The following MAP2K6 variants were observed in gnomAD, a reference collection of about 807,000 sequenced individuals.
The protein encoded by MAP2K6 is mitogen-activated protein kinase kinase 6, also known as dual specificity mitogen-activated protein kinase kinase 6.
MAP2K6 carries 16 observed loss-of-function variants against 53.7 expected under a neutral mutation model. The ratio of observed to expected loss-of-function variants is 0.30; its 90% CI spans 0.20 to 0.45. The LOEUF (loss-of-function observed/expected upper bound fraction) is 0.45, where lower values mean the gene tolerates loss of function less well. MAP2K6 is among the 20% of genes least tolerant of loss of function. The pLI is 1.00. For missense variants in MAP2K6, 204 were observed against 411.9 expected (o/e 0.50, Z 4.37); for synonymous variants, 132 against 143.1 (o/e 0.92, Z 0.55).
At chr17:69,440,166 G>A (rs1006650320) in intron 1 of MAP2K6, among the ~76,000 whole-genome samples, 1 of 152,054 alleles carries the variant, frequency 6.6e-6, no homozygotes, top group Non-Finnish European at 1.5e-5. Flanking sequence ...TACTGCCTCA[G>A]CCTCCAGAGT....
At chr17:69,418,165 C>T (rs961252715) in intron 1 of MAP2K6, among the ~76,000 whole-genome samples, 1 of 152,126 alleles carries the variant, frequency 6.6e-6, no homozygotes, top group African/African-American at 2.4e-5. Context: ...TTTATAACCC[C>T]GTACATCTCA....
intron 1 of MAP2K6, among the ~76,000 whole-genome samples, chr17:69,468,750 C>A (rs1418888833): frequency 2.6e-5 from 4 of 152,148 alleles, no homozygotes; most frequent in African/African-American, 9.7e-5. Context: ...CCTTCATCAT[C>A]CCTCTTTTCT....
intron 1 of MAP2K6, among the ~76,000 whole-genome samples, chr17:69,495,518 G>A (rs1471066037): frequency 6.6e-6 from 1 of 152,136 alleles, no homozygotes; most frequent in East Asian, 1.9e-4. Context: ...TTACAGGCTT[G>A]AGCTACTGCG....
In MAP2K6 at chr17:69,551,432, G is replaced by A. The variant is rs1358163921; in HGVS notation, c.*9679G>A. ...AAACACCAGCTGAGTCATATCAGGT[G>A]CCTTGTACACACACATAAAGAGTCT... On this transcript the variant is annotated 3_prime_UTR_variant, in exon 12 of 12. Coordinates refer to ENST00000590474, the MANE Select transcript of MAP2K6 (RefSeq NM_002758.4). 6.6e-6 allele frequency: 1 copy of A among 152,202 alleles called. No homozygotes were observed. Among genetic ancestry groups the A allele is most frequent in the Non-Finnish European group, 1.5e-5 (1 of 68,046 alleles). The allele number at this position is 152,202 out of a possible 1,614,324, so 9.4% of individuals were successfully genotyped here.
At chr17:69,489,238 AAG>A (rs1491587691) in intron 1 of MAP2K6, among the ~76,000 whole-genome samples, 1 of 151,550 alleles carries the variant, frequency 6.6e-6, no homozygotes, top group Non-Finnish European at 1.5e-5. Context: ...AAAAAAAAAA[AAG>A]GAAAAAAGGA....
rs551082433 is a variant in MAP2K6, at chr17:69,429,231, A to G, written c.16+14231A>G. On this transcript the variant is annotated intron_variant, in intron 1 of 11. Coordinates refer to ENST00000590474, the MANE Select transcript of MAP2K6 (RefSeq NM_002758.4). Reference sequence around the variant, plus strand: ...GACAGAAGGATCACTTGAGGCTAGGAGTTTTGAGACCAGCCTGGGCAACAT... The same window carrying G: ...GACAGAAGGATCACTTGAGGCTAGGGGTTTTGAGACCAGCCTGGGCAACAT... Among the ~76,000 whole-genome samples, 3 of 150,406 alleles carry G rather than the reference A, an allele frequency of 2.0e-5. No individual in the cohort carries two copies. In the South Asian group the frequency reaches 6.3e-4, roughly 32 times the overall value.
chr17:69,530,029 G>C (rs1910998773), intron 10 of MAP2K6, among the ~76,000 whole-genome samples: 1 of 152,126 alleles, frequency 6.6e-6, no homozygotes, highest in African/African-American at 2.4e-5. Context: ...CCGTAGACAT[G>C]TCTCAGCTTT....
chr17:69,528,489 T>C (rs908377492), intron 10 of MAP2K6, among the ~76,000 whole-genome samples: 3 of 152,126 alleles, frequency 2.0e-5, no homozygotes, highest in African/African-American at 7.2e-5. Flanking sequence ...AAAGACTTGT[T>C]TTTTGTGGAT....
intron 2 of MAP2K6, among the ~76,000 whole-genome samples, chr17:69,512,218 GCAAA>G (rs1418098113): frequency 1.3e-5 from 2 of 151,282 alleles, no homozygotes; most frequent in East Asian, 1.9e-4. Context: ...GAGGCTGTGA[GCAAA>G]CAGTTTATGG....
At chr17:69,517,740 G>T in intron 4 of MAP2K6, 127 bp downstream of exon 4, 1 of 496,862 alleles carries the variant, frequency 2.0e-6, no homozygotes, top group Non-Finnish European at 3.4e-6. Flanking sequence ...AAGATTATTT[G>T]CAGGGAACAG....
chr17:69,529,138 A>T (rs982885313), intron 10 of MAP2K6, among the ~76,000 whole-genome samples: 2 of 152,202 alleles, frequency 1.3e-5, no homozygotes, highest in African/African-American at 4.8e-5. Flanking sequence ...GTGGCTGCTC[A>T]TTTATAAAAC....
In MAP2K6 at chr17:69,544,998, A is replaced by G. The variant is rs1230188363; in HGVS notation, c.*3245A>G. The G allele has an allele frequency of 6.6e-6, 1 of 152,154 alleles. No homozygotes were observed. Among genetic ancestry groups the G allele is most frequent in the Non-Finnish European group, 1.5e-5 (1 of 68,026 alleles). The allele number at this position is 152,154 out of a possible 1,614,324, so 9.4% of individuals were successfully genotyped here. A position where few individuals can be genotyped will look rare whatever the true frequency, so the allele number is the denominator to read the frequency against. On this transcript the variant is annotated 3_prime_UTR_variant, in exon 12 of 12. Transcript: ENST00000590474. ...TAGCAGATGTTTCCCTCTTTGATTTACCTGCCTTGTTTATCAGATTTTGCA... is the reference window on the plus strand; with the variant it reads ...TAGCAGATGTTTCCCTCTTTGATTTGCCTGCCTTGTTTATCAGATTTTGCA...
In MAP2K6 at chr17:69,553,135, A is replaced by T. The variant is rs1003067750; in HGVS notation, c.*11382A>T. ...TAACATTGATGGGGGACAAGACTGGATGATTGACTTCTATCAGTCAGTAGA... is the reference window on the plus strand; with the variant it reads ...TAACATTGATGGGGGACAAGACTGGTTGATTGACTTCTATCAGTCAGTAGA... On this transcript the variant is annotated 3_prime_UTR_variant, in exon 12 of 12. Transcript: ENST00000590474. 1.3e-5 allele frequency: 2 copies of T among 152,218 alleles called. No homozygotes were observed. The highest frequency in any genetic ancestry group is 2.9e-5 in the Non-Finnish European group (2 of 68,042). The allele number at this position is 152,218 out of a possible 1,614,324, so 9.4% of individuals were successfully genotyped here.
chr17:69,526,384 A>G (rs889100095), intron 9 of MAP2K6, among the ~76,000 whole-genome samples, 186 bp from the exon 10 acceptor site: 1 of 152,226 alleles, frequency 6.6e-6, no homozygotes, highest in African/African-American at 2.4e-5. Flanking sequence ...AAAAATCCCT[A>G]GCACTAGGAA....
chr17:69,480,909 A>G (rs140755014), intron 1 of MAP2K6, among the ~76,000 whole-genome samples: 25 of 137,654 alleles, frequency 1.8e-4, no homozygotes, highest in African/African-American at 7.4e-4. Flanking sequence ...AAACAATGTT[A>G]GCATCTAAAC....
At chr17:69,432,821 A>G (rs1906510130) in intron 1 of MAP2K6, among the ~76,000 whole-genome samples, 1 of 152,110 alleles carries the variant, frequency 6.6e-6, no homozygotes, top group South Asian at 2.1e-4. Context: ...AAAAAAAAAA[A>G]AAAAAAGGAT....
intron 1 of MAP2K6, among the ~76,000 whole-genome samples, chr17:69,488,094 AC>A (rs1908611448): frequency 1.3e-5 from 2 of 152,242 alleles, no homozygotes; most frequent in African/African-American, 4.8e-5. Context: ...TCTATAAGAA[AC>A]TTAATTCAAC....
Position 69,535,879 on chromosome 17 carries a change from T to TACACAC in MAP2K6, c.882-210_882-205dup, listed in dbSNP as rs3216906. Among the ~76,000 whole-genome samples, 588 of 147,696 alleles carry TACACAC rather than the reference T, an allele frequency of 4.0e-3. 1 individual carries two copies. The highest frequency in any genetic ancestry group is 0.013 in the African/African-American group (506 of 40,346). ...CATCGGTAAAGTATCAAAAGGAAAG[T>TACACAC]ACACACACACACACACACACACACA... On this transcript the variant is annotated intron_variant, in intron 10 of 11. Transcript: ENST00000590474.
At chr17:69,488,638 A>C (rs1908635122) in intron 1 of MAP2K6, among the ~76,000 whole-genome samples, 1 of 152,202 alleles carries the variant, frequency 6.6e-6, no homozygotes, top group Non-Finnish European at 1.5e-5. Flanking sequence ...GAGGCAAGCA[A>C]GTCAGTGCAG....
Sources: allele counts gnomAD v4.1 joint callset (sites outside exome capture counted in the v4.1 genomes callset), GRCh38; gene constraint gnomAD v4.1.1; transcripts MANE v1.5; gene names NCBI Gene and HGNC (gene_info 2026-07-23, HGNC 2026-07-21).